The following MKLN1 variants were observed in gnomAD, a reference collection of about 807,000 sequenced individuals.
MKLN1 encodes the protein muskelin.
Under a neutral mutation model 99.0 loss-of-function variants are expected in MKLN1, and 18 were observed. The ratio of observed to expected loss-of-function variants is 0.18; its 90% CI spans 0.13 to 0.27. The LOEUF (loss-of-function observed/expected upper bound fraction) is 0.27, where lower values mean the gene tolerates loss of function less well. MKLN1 is among the 10% of genes least tolerant of loss of function. MKLN1 has a pLI of 1.00. For missense variants in MKLN1, 621 were observed against 875.9 expected (o/e 0.71, Z 3.67); for synonymous variants, 288 against 293.2 (o/e 0.98, Z 0.18).
intron 1 of MKLN1, among the ~76,000 whole-genome samples, chr7:131,373,315 C>T (rs148100891): frequency 0.02 from 3,085 of 151,168 alleles, 31 homozygotes; most frequent in Non-Finnish European, 0.032. Context: ...TTTTTTTGTC[C>T]GTTTTCATAT....
chr7:131,159,893 C>T (rs552168838), intron 2 of MKLN1, among the ~76,000 whole-genome samples: 9 of 152,086 alleles, frequency 5.9e-5, no homozygotes, highest in Non-Finnish European at 1.0e-4. Context: ...CTCTTATCAT[C>T]GTCATTGTAA....
rs145477213 is a variant in MKLN1 at position 131,410,656 on chromosome 7, A to G, written c.704-650A>G. Among the ~76,000 whole-genome samples the G allele has an allele frequency of 5.7e-3, 872 of 152,306 alleles. 6 individuals are homozygous for G. The highest frequency in any genetic ancestry group is 7.0e-3 in the Non-Finnish European group (478 of 68,016). ...AAAGCACTGTTGGGGGAAAGAGATT[A>G]GGATCCAATGAATCCATGTCATTAT... On this transcript the variant is annotated intron_variant, in intron 6 of 17. Coordinates refer to ENST00000352689, the MANE Select transcript of MKLN1 (RefSeq NM_013255.5).
intron 2 of MKLN1, among the ~76,000 whole-genome samples, chr7:131,196,842 A>G (rs1196169909): frequency 6.6e-6 from 1 of 151,980 alleles, no homozygotes; most frequent in Non-Finnish European, 1.5e-5. Context: ...GGAAAAAAAA[A>G]TCCCCATTGG....
At chr7:131,214,134 C>T (rs1003870314) in intron 3 of MKLN1, among the ~76,000 whole-genome samples, 4 of 152,216 alleles carry the variant, frequency 2.6e-5, no homozygotes, top group East Asian at 1.9e-4. Context: ...TATTTCCACC[C>T]GCCTCAGCCT....
At chr7:131,348,374 A>G (rs1168000472) in intron 1 of MKLN1, among the ~76,000 whole-genome samples, 1 of 152,212 alleles carries the variant, frequency 6.6e-6, no homozygotes, top group Non-Finnish European at 1.5e-5. Flanking sequence ...AAAATAATTC[A>G]TATATATGCA....
At chr7:131,438,439 T>A (rs1795737358) in intron 10 of MKLN1, among the ~76,000 whole-genome samples, 1 of 149,728 alleles carries the variant, frequency 6.7e-6, no homozygotes, top group African/African-American at 2.5e-5. Flanking sequence ...TTGTTTATAG[T>A]CACAAAATTG....
In MKLN1 at chr7:131,116,681, T is replaced by TA. The variant is rs58240456; in HGVS notation, c.-419+6484dup. Among the ~76,000 whole-genome samples, 1,891 of 144,902 alleles carry TA rather than the reference T, an allele frequency of 0.013. 72 individuals are homozygous for TA. In the East Asian group the frequency reaches 0.15, roughly 11 times the overall value. ...AAATCAGAGTACTCCCACAAATCCATAAAAAAAAAACCTTTAAAACTCTGG... is the reference window on the plus strand; with the variant it reads ...AAATCAGAGTACTCCCACAAATCCATAAAAAAAAAAACCTTTAAAACTCTGG... On this transcript the variant is annotated intron_variant, in intron 1 of 7. Transcript: ENST00000416992.
chr7:131,361,595 C>CTT, intron 1 of MKLN1, among the ~76,000 whole-genome samples: 1 of 140,992 alleles, frequency 7.1e-6, no homozygotes, highest in African/African-American at 2.6e-5. Context: ...TTCTGGCTTT[C>CTT]TTTTTTTTTT....
intron 1 of MKLN1, among the ~76,000 whole-genome samples, chr7:131,117,599 G>A (rs1055789349): frequency 1.3e-5 from 2 of 152,184 alleles, no homozygotes; most frequent in Non-Finnish European, 2.9e-5. Flanking sequence ...GAAGAACAAC[G>A]TGTATTTTGC....
intron 3 of MKLN1, among the ~76,000 whole-genome samples, chr7:131,221,674 ATTT>A (rs1162923537): frequency 2.3e-5 from 3 of 128,854 alleles, no homozygotes; most frequent in Non-Finnish European, 3.3e-5. Flanking sequence ...CACCCGGCTA[ATTT>A]TTTTTTTTTT....
chr7:131,135,453 G>A (rs562197375), intron 1 of MKLN1, among the ~76,000 whole-genome samples: 1 of 152,282 alleles, frequency 6.6e-6, no homozygotes, highest in African/African-American at 2.4e-5. Context: ...GTTTAGGGAC[G>A]CATCAGAGTG....
chr7:131,472,756 C>G (rs1470776481), intron 16 of MKLN1, among the ~76,000 whole-genome samples: 1 of 152,024 alleles, frequency 6.6e-6, no homozygotes, highest in Non-Finnish European at 1.5e-5. Context: ...CGAGACCATC[C>G]TGGCTAATGC....
At chr7:131,336,107 T>C (rs1318665045) in intron 1 of MKLN1, among the ~76,000 whole-genome samples, 1 of 152,088 alleles carries the variant, frequency 6.6e-6, no homozygotes, top group East Asian at 1.9e-4. Flanking sequence ...TATAAAGAAC[T>C]AAACTGTATG....
At chr7:131,186,843 C>T (rs923798833) in intron 2 of MKLN1, among the ~76,000 whole-genome samples, 1 of 152,082 alleles carries the variant, frequency 6.6e-6, no homozygotes, top group African/African-American at 2.4e-5. Flanking sequence ...ATTGAGTGTG[C>T]GGGCTGAAGG....
At chr7:131,122,451 T>C (rs1460491856) in intron 1 of MKLN1, among the ~76,000 whole-genome samples, 1 of 152,208 alleles carries the variant, frequency 6.6e-6, no homozygotes, top group Non-Finnish European at 1.5e-5. Context: ...GTCTGGTCAA[T>C]CTGAGTCATT....
At chr7:131,291,577 T>G (rs1584894724) in intron 3 of MKLN1, among the ~76,000 whole-genome samples, 1 of 46,160 alleles carries the variant, frequency 2.2e-5, no homozygotes, top group East Asian at 5.8e-4. Flanking sequence ...CAGCTTTCAT[T>G]TATTATATAT....
chr7:131,466,241 A>AT, intron 14 of MKLN1, 35 bp from the exon 15 acceptor site: 2 of 1,520,188 alleles, frequency 1.3e-6, no homozygotes, highest in Non-Finnish European at 1.8e-6. Flanking sequence ...GTATGCATGC[A>AT]TTTTTAAAAA....
chr7:131,401,854 A>G (rs1396146821), intron 6 of MKLN1, among the ~76,000 whole-genome samples: 2 of 152,134 alleles, frequency 1.3e-5, no homozygotes, highest in Non-Finnish European at 2.9e-5. Flanking sequence ...AAAATGCTTT[A>G]TTGCTTAAAA....
intron 3 of MKLN1, among the ~76,000 whole-genome samples, chr7:131,239,960 T>C (rs1016351165): frequency 1.9e-4 from 29 of 152,288 alleles, no homozygotes; most frequent in African/African-American, 7.0e-4. Context: ...GGCAGGATGA[T>C]CACTCGAGAC....
Sources: allele counts gnomAD v4.1 joint callset (sites outside exome capture counted in the v4.1 genomes callset), GRCh38; gene constraint gnomAD v4.1.1; transcripts MANE v1.5; gene names NCBI Gene and HGNC (gene_info 2026-07-23, HGNC 2026-07-21).